The following ADCY2 variants were observed in gnomAD, a reference collection of about 807,000 sequenced individuals.
The protein encoded by ADCY2 is adenylate cyclase type 2.
In ADCY2, 31 loss-of-function variants were observed where a neutral mutation model predicts 125.2. The ratio of observed to expected loss-of-function variants is 0.25; its 90% CI spans 0.19 to 0.33. The LOEUF (loss-of-function observed/expected upper bound fraction) is 0.33, where lower values mean the gene tolerates loss of function less well. Ranked by LOEUF, ADCY2 falls within the 10% of genes least tolerant of loss-of-function variation. ADCY2 has a pLI of 1.00. For missense variants in ADCY2, 904 were observed against 1,418.2 expected (o/e 0.64, Z 5.82); for synonymous variants, 512 against 548.4 (o/e 0.93, Z 0.93).
chr5:7,759,043 G>T (rs1743106911), intron 16 of ADCY2, among the ~76,000 whole-genome samples: 1 of 152,152 alleles, frequency 6.6e-6, no homozygotes, highest in African/African-American at 2.4e-5. Flanking sequence ...CTAGCAGCAG[G>T]GGTGGGATGG....
intron 4 of ADCY2, among the ~76,000 whole-genome samples, chr5:7,666,014 A>AT (rs1394927746): frequency 2.0e-5 from 3 of 149,260 alleles, no homozygotes; most frequent in East Asian, 2.0e-4. Context: ...AATTTTTTGT[A>AT]TTTTTAGTAG....
At chr5:7,811,298 C>A (rs543364905) in intron 22 of ADCY2, among the ~76,000 whole-genome samples, 1 of 152,006 alleles carries the variant, frequency 6.6e-6, no homozygotes, top group Admixed American at 6.6e-5. Context: ...GTCAGGAGAT[C>A]GAGACCATCC....
chr5:7,581,323 A>G (rs981537260), intron 3 of ADCY2, among the ~76,000 whole-genome samples: 1 of 152,170 alleles, frequency 6.6e-6, no homozygotes, highest in African/African-American at 2.4e-5. Flanking sequence ...CATATATTTC[A>G]TATATAGAGT....
intron 2 of ADCY2, among the ~76,000 whole-genome samples, chr5:7,428,355 G>GA (rs1740464674): frequency 6.6e-6 from 1 of 152,132 alleles, no homozygotes; most frequent in Non-Finnish European, 1.5e-5. Flanking sequence ...TTGTTAGGGG[G>GA]AAAAACACCA....
chr5:7,764,776 G>A (rs1255428531), intron 16 of ADCY2, among the ~76,000 whole-genome samples: 4 of 152,160 alleles, frequency 2.6e-5, no homozygotes, highest in Non-Finnish European at 5.9e-5. Context: ...GGAGAAAGTT[G>A]GGGCAGTTTT....
chr5:7,538,350 C>G (rs962767929), intron 3 of ADCY2, among the ~76,000 whole-genome samples: 7 of 152,062 alleles, frequency 4.6e-5, no homozygotes, highest in African/African-American at 1.7e-4. Context: ...GTTTACTTAT[C>G]GGTAAAAGAG....
At chr5:7,588,456 A>G (rs1736704047) in intron 3 of ADCY2, among the ~76,000 whole-genome samples, 1 of 152,236 alleles carries the variant, frequency 6.6e-6, no homozygotes, top group East Asian at 1.9e-4. Context: ...TTTTAAAAGT[A>G]AACCAGACAT....
intron 15 of ADCY2, among the ~76,000 whole-genome samples, chr5:7,744,488 G>C (rs1560935607): frequency 6.6e-6 from 1 of 152,216 alleles, no homozygotes; most frequent in Non-Finnish European, 1.5e-5. Flanking sequence ...TCTTTTATTA[G>C]TGTTTAATTT....
chr5:7,669,649 G>T (rs139313456), intron 4 of ADCY2, among the ~76,000 whole-genome samples: 1 of 152,184 alleles, frequency 6.6e-6, no homozygotes, highest in Non-Finnish European at 1.5e-5. Flanking sequence ...GTAAGTTTTT[G>T]TGGGGGGAAC....
chr5:7,748,014 G>C lies in ADCY2; in HGVS notation c.1956+4262G>C, dbSNP rs564621954. ...ATCCAGCTCACAGTCATGGCATCCTGCTCCGCATTCTGGCGGGTTCCCAGC... is the reference window on the plus strand; with the variant it reads ...ATCCAGCTCACAGTCATGGCATCCTCCTCCGCATTCTGGCGGGTTCCCAGC... On this transcript the variant is annotated intron_variant, in intron 15 of 24. Transcript: ENST00000338316. Among the ~76,000 whole-genome samples the C allele has an allele frequency of 4.6e-5, 7 of 152,312 alleles. No homozygotes were observed. The South Asian group carries it at 1.5e-3, about 32-fold the overall frequency.
intron 3 of ADCY2, among the ~76,000 whole-genome samples, chr5:7,543,409 AAAAT>A (rs1232279094): frequency 1.5e-4 from 23 of 152,140 alleles, no homozygotes; most frequent in Non-Finnish European, 3.2e-4. Context: ...TTTCTTTGAA[AAAAT>A]AAATCTTCTT....
chr5:7,808,280 C>T (rs1276081679), intron 22 of ADCY2, among the ~76,000 whole-genome samples: 1 of 152,164 alleles, frequency 6.6e-6, no homozygotes, highest in African/African-American at 2.4e-5. Context: ...ATAACAGGTG[C>T]TATGTGTTAT....
At position 7,530,405 on chromosome 5, in the gene ADCY2, T is replaced by C. The variant is rs145724715; in HGVS notation, c.570+9506T>C. ...TGTCAGAGCCCAAGTCTGGTTCTGATTGACTGCCCTGACACTCAGGCTGGA... is the reference window on the plus strand; with the variant it reads ...TGTCAGAGCCCAAGTCTGGTTCTGACTGACTGCCCTGACACTCAGGCTGGA... On this transcript the variant is annotated intron_variant, in intron 3 of 24. Transcript: ENST00000338316. Among the ~76,000 whole-genome samples the C allele has an allele frequency of 2.2e-3, 330 of 152,252 alleles. 1 individual carries two copies. The highest frequency in any genetic ancestry group is 0.01 in the Middle Eastern group (3 of 294).
intron 1 of ADCY2, among the ~76,000 whole-genome samples, chr5:7,411,067 C>T (rs959697401): frequency 1.3e-5 from 2 of 152,204 alleles, no homozygotes; most frequent in African/African-American, 4.8e-5. Context: ...GCTCGTACAT[C>T]CTCTAGTGAA....
Position 7,521,719 on chromosome 5 carries a change from C to T in ADCY2, c.570+820C>T, listed in dbSNP as rs73046357. Among the ~76,000 whole-genome samples, 203 of 152,284 alleles carry T rather than the reference C, an allele frequency of 1.3e-3. 3 individuals carry two copies. Among genetic ancestry groups the T allele is most frequent in the Middle Eastern group, 6.8e-3 (2 of 294 alleles). ...GTCTGAGAAACCAGTTTTTCTTTCACGTGATGTGCTATTTCATTTGGAAAC... is the reference window on the plus strand; with the variant it reads ...GTCTGAGAAACCAGTTTTTCTTTCATGTGATGTGCTATTTCATTTGGAAAC... On this transcript the variant is annotated intron_variant, in intron 3 of 24. Transcript: ENST00000338316.
chr5:7,539,679 G>T (rs1008688070), intron 3 of ADCY2, among the ~76,000 whole-genome samples: 1 of 152,190 alleles, frequency 6.6e-6, no homozygotes, highest in African/African-American at 2.4e-5. Context: ...TCATTTTCTG[G>T]GAAGAGTCAG....
At chr5:7,681,913 A>G (rs1740352058) in intron 4 of ADCY2, among the ~76,000 whole-genome samples, 1 of 152,300 alleles carries the variant, frequency 6.6e-6, no homozygotes, top group East Asian at 1.9e-4. Context: ...GCACCTATTT[A>G]TGTATTGTCC....
intron 18 of ADCY2, among the ~76,000 whole-genome samples, chr5:7,780,824 G>A (rs1337895752): frequency 6.6e-6 from 1 of 152,204 alleles, no homozygotes; most frequent in Non-Finnish European, 1.5e-5. Flanking sequence ...TCAGGTTAGA[G>A]GCTGGTTCAC....
chr5:7,525,653 A>G (rs1157426457), intron 3 of ADCY2, among the ~76,000 whole-genome samples: 1 of 66,574 alleles, frequency 1.5e-5, no homozygotes, highest in African/African-American at 3.5e-5. Flanking sequence ...TCTACATTAT[A>G]GATGTGTGTG....
Sources: gnomAD v4.1 joint callset for allele counts (sites outside exome capture counted in the v4.1 genomes callset) on GRCh38, gnomAD v4.1.1 for gene constraint, MANE v1.5 for transcripts, NCBI Gene and HGNC (gene_info 2026-07-23, HGNC 2026-07-21) for gene names.